The following KIRREL3 variants were observed in gnomAD, a reference collection of about 807,000 sequenced individuals.
KIRREL3 encodes the protein kirre like nephrin family adhesion molecule 3.
A neutral mutation model predicts 89.7 loss-of-function variants in KIRREL3; 36 were observed. That is an observed-to-expected ratio of 0.40 (90% confidence interval 0.31 to 0.53). The LOEUF (loss-of-function observed/expected upper bound fraction) is 0.53. Ranked by LOEUF, KIRREL3 falls within the 20% of genes least tolerant of loss-of-function variation. KIRREL3 has a pLI of 0.49. For missense variants in KIRREL3, 864 were observed against 1,056.6 expected, an observed-to-expected ratio of 0.82 and a Z score of 2.53; for synonymous variants, 445 against 441.4, an observed-to-expected ratio of 1.01 and a Z score of -0.10.
chr11:126,461,021 G>A (rs1591578037), intron 6 of KIRREL3, among the ~76,000 whole-genome samples: 2 of 152,256 alleles, frequency 1.3e-5, no homozygotes, highest in Admixed American at 6.5e-5. Context: ...TGTGTCTCCC[G>A]CCCTCTCCCC....
At chr11:126,434,551 C>T (rs1462543027) in intron 13 of KIRREL3, among the ~76,000 whole-genome samples, 1 of 152,200 alleles carries the variant, frequency 6.6e-6, no homozygotes, top group Non-Finnish European at 1.5e-5. Flanking sequence ...AGGCCAGGGG[C>T]CAGTGTGGCA....
At chr11:126,446,979 T>TG (rs1325970589) in intron 8 of KIRREL3, 93 bp from the exon 9 acceptor site, 13 of 1,472,404 alleles carry the variant, frequency 8.8e-6, no homozygotes, top group Admixed American at 2.0e-5. Flanking sequence ...AGACCTTGAC[T>TG]GGGGGGAGGC....
chr11:127,001,319 G>C (rs1199835280), upstream of KIRREL3, among the ~76,000 whole-genome samples: 1 of 137,530 alleles, frequency 7.3e-6, no homozygotes, highest in Non-Finnish European at 1.6e-5. Context: ...TGTGGTGGGG[G>C]GGGGGGGTAG....
At chr11:126,862,639 GTGT>G (rs1246673181) in intron 1 of KIRREL3, among the ~76,000 whole-genome samples, 1 of 152,186 alleles carries the variant, frequency 6.6e-6, no homozygotes, top group East Asian at 1.9e-4. Flanking sequence ...AACAGAGCGA[GTGT>G]TGCACCAGGA....
rs78677162 is a variant in KIRREL3 at position 126,627,012 on chromosome 11, A to C, written c.56-64100T>G. Among the ~76,000 whole-genome samples, 6,398 of 35,480 alleles carry C rather than the reference A, an allele frequency of 0.18. 468 individuals are homozygous for C. The highest frequency in any genetic ancestry group is 0.26 in the African/African-American group (5,933 of 23,188). 23.3% of individuals were successfully genotyped at this position (35,480 alleles called of 152,430 possible). A position where few individuals can be genotyped will look rare whatever the true frequency, so the allele number is the denominator to read the frequency against. ...TGAAACACTGTCTCAAGAAAAAAAA[A>C]AAACAAAAAAAAAAGAATAACCACA... On this transcript the variant is annotated intron_variant, in intron 1 of 16. Coordinates refer to ENST00000525144, the MANE Select transcript of KIRREL3 (RefSeq NM_032531.4). This position sits in a 1 kb window ranked among gnomAD's most constrained non-coding sequence, Gnocchi z 5.0.
At chr11:126,907,197 C>A (rs912589845) in intron 1 of KIRREL3, among the ~76,000 whole-genome samples, 1 of 152,126 alleles carries the variant, frequency 6.6e-6, no homozygotes. Flanking sequence ...TTCCCTAGAC[C>A]CCCACTGATT....
intron 4 of KIRREL3, among the ~76,000 whole-genome samples, chr11:126,517,905 C>T (rs949230813): frequency 6.6e-6 from 1 of 152,190 alleles, no homozygotes; most frequent in South Asian, 2.1e-4. Context: ...ATGCTGTTTC[C>T]GTGACGCTGT....
intron 1 of KIRREL3, among the ~76,000 whole-genome samples, chr11:126,858,270 T>TGAGA (rs1447807320): frequency 3.3e-4 from 50 of 152,332 alleles, no homozygotes; most frequent in African/African-American, 1.2e-3. Context: ...CCTGTGACTA[T>TGAGA]GAGAGGCCAG....
chr11:126,446,262 TTC>T (rs144564841), intron 9 of KIRREL3, among the ~76,000 whole-genome samples: 1 of 137,808 alleles, frequency 7.3e-6, no homozygotes, highest in African/African-American at 2.7e-5. Flanking sequence ...TTTCTTTTCT[TTC>T]TCTCTCTTTC....
At chr11:126,426,278 G>A (rs1369155747) in intron 15 of KIRREL3, among the ~76,000 whole-genome samples, 1 of 152,160 alleles carries the variant, frequency 6.6e-6, no homozygotes, top group African/African-American at 2.4e-5. Context: ...AGATGCTGGC[G>A]ACATGGGCCA....
chr11:126,865,550 G>C (rs551992178), intron 1 of KIRREL3, among the ~76,000 whole-genome samples: 1 of 152,238 alleles, frequency 6.6e-6, no homozygotes, highest in African/African-American at 2.4e-5. Flanking sequence ...GCTCAGGTGG[G>C]CAAGTCCCTC....
chr11:126,874,634 A>G (rs147677801), intron 1 of KIRREL3, among the ~76,000 whole-genome samples: 4 of 152,346 alleles, frequency 2.6e-5, no homozygotes, highest in Admixed American at 2.6e-4. Flanking sequence ...GGAATTAGCC[A>G]TATGGGCCTG....
At chr11:126,950,739 A>C (rs889589841) in intron 1 of KIRREL3, among the ~76,000 whole-genome samples, 5 of 152,098 alleles carry the variant, frequency 3.3e-5, no homozygotes, top group African/African-American at 4.8e-5. Flanking sequence ...ACCTGTCTGC[A>C]CTCCTAGCCT....
Position 126,566,599 on chromosome 11 carries a change from G to T in KIRREL3, c.56-3687C>A, listed in dbSNP as rs79608536. 1.3e-5 allele frequency among the ~76,000 whole-genome samples: 2 copies of T among 152,204 alleles called. No individual in the cohort carries two copies. Among genetic ancestry groups the T allele is most frequent in the Non-Finnish European group, 2.9e-5 (2 of 68,042 alleles). On this transcript the variant is annotated intron_variant, in intron 1 of 16. Coordinates refer to ENST00000525144, the MANE Select transcript of KIRREL3 (RefSeq NM_032531.4). The surrounding 1 kb of genome is among the most constrained non-coding windows in gnomAD (Gnocchi z 4.9). ...GGTTGTAGAGTGAATGAAACTTGTA[G>T]CTCATTGGAAGAGAAGCCTAGATAA...
intron 1 of KIRREL3, among the ~76,000 whole-genome samples, chr11:126,680,345 C>G: frequency 6.6e-6 from 1 of 151,986 alleles, no homozygotes; most frequent in East Asian, 1.9e-4. Flanking sequence ...TGCAAGGGAC[C>G]GCGTACTGAT....
Position 126,948,355 on chromosome 11 carries a change from A to C in KIRREL3, c.55+52100T>G, listed in dbSNP as rs936625547. On this transcript the variant is annotated intron_variant, in intron 1 of 16. Transcript: ENST00000525144. The surrounding 1 kb of genome is among the most constrained non-coding windows in gnomAD (Gnocchi z 4.5). The stretch of plus-strand genomic sequence containing the variant: ...ATAGAGGGATCTCAGTACAACGGAG[A>C]ACTCAGGGGAACCTAGGTCCTGTTC... 1.3e-5 allele frequency among the ~76,000 whole-genome samples: 2 copies of C among 152,102 alleles called. No homozygotes were observed. The highest frequency in any genetic ancestry group is 1.3e-4 in the Admixed American group (2 of 15,268).
At chr11:126,816,801 G>A (rs1047418140) in intron 1 of KIRREL3, among the ~76,000 whole-genome samples, 9 of 152,196 alleles carry the variant, frequency 5.9e-5, no homozygotes, top group East Asian at 3.9e-4. Context: ...TCTGAAAGCC[G>A]CAGGAGGCTG....
intron 1 of KIRREL3, among the ~76,000 whole-genome samples, chr11:126,864,599 T>A (rs574864186): frequency 6.6e-6 from 1 of 152,356 alleles, no homozygotes; most frequent in South Asian, 2.1e-4. Context: ...GACTCCAGTC[T>A]GAATTAAGCA....
At chr11:126,518,690 T>C (rs1228381993) in intron 4 of KIRREL3, among the ~76,000 whole-genome samples, 1 of 152,142 alleles carries the variant, frequency 6.6e-6, no homozygotes, top group Non-Finnish European at 1.5e-5. Context: ...GGAGCAGAAA[T>C]ACCTCTCTCC....
Sources: allele counts gnomAD v4.1 joint callset (sites outside exome capture counted in the v4.1 genomes callset), GRCh38; gene constraint gnomAD v4.1.1; non-coding constraint Gnocchi (gnomAD v3.1); transcripts MANE v1.5; gene names NCBI Gene and HGNC (gene_info 2026-07-23, HGNC 2026-07-21).